Variants in ANKRD11 observed in about 807,000 individuals in gnomAD.
The protein encoded by ANKRD11 is ankyrin repeat domain-containing protein 11.
Under a neutral mutation model 195.7 loss-of-function variants are expected in ANKRD11, and 17 were observed. That is an observed-to-expected ratio of 0.09 (90% confidence interval 0.06 to 0.13). The LOEUF is 0.13. ANKRD11 is among the 10% of genes least tolerant of loss of function. ANKRD11 has a pLI of 1.00. For missense variants in ANKRD11, 3,735 were observed against 3,566.1 expected (o/e 1.05, Z -1.21); for synonymous variants, 1,953 against 1,528.1 (o/e 1.28, Z -6.49).
At chr16:89,458,459 C>T (rs1052332626) in intron 1 of ANKRD11, among the ~76,000 whole-genome samples, 12 of 152,146 alleles carry the variant, frequency 7.9e-5, no homozygotes, top group African/African-American at 2.9e-4. Context: ...CTCCTGACCT[C>T]GTGATCCGCC....
At position 89,282,111 on chromosome 16, in the gene ANKRD11, C is replaced by A. The variant is rs371721329; in HGVS notation, c.4431G>T (p.Arg1477=). The part of the protein sequence containing the change: ...EKWRDEKERH[R]DRHADGLLRH... ...GCAGCAGCCCATCCGCATGCCTGTCCCGGTGCCTCTCCTTCTCGTCTCTCC... is the reference window on the plus strand; with the variant it reads ...GCAGCAGCCCATCCGCATGCCTGTCACGGTGCCTCTCCTTCTCGTCTCTCC... The change falls in exon 9 of 13, where the codon CGG becomes CGT. Residue 1477 remains arginine, a synonymous_variant. Transcript: ENST00000301030. 5.0e-6 allele frequency: 8 copies of A among 1,613,994 alleles called. No individual in the cohort carries two copies. The African/African-American group carries it at 1.1e-4, about 22-fold the overall frequency.
At chr16:89,270,592 C>T in intron 12 of ANKRD11, 1 of 590,232 alleles carries the variant, frequency 1.7e-6, no homozygotes, top group Non-Finnish European at 3.1e-6. Flanking sequence ...GAGCCGCTCC[C>T]TGCACACCGG....
At chr16:89,465,531 CCTG>C (rs1439431227) in intron 1 of ANKRD11, among the ~76,000 whole-genome samples, 1 of 152,154 alleles carries the variant, frequency 6.6e-6, no homozygotes, top group African/African-American at 2.4e-5. Flanking sequence ...CCGCGGAAAG[CCTG>C]CTTTCAGCTG....
chr16:89,387,127 G>C (rs982954923), intron 2 of ANKRD11, among the ~76,000 whole-genome samples: 1 of 152,126 alleles, frequency 6.6e-6, no homozygotes, highest in African/African-American at 2.4e-5. Context: ...CAGCGAGGGT[G>C]GGAGAGGTAG....
At chr16:89,455,622 G>C (rs2056400035) in intron 1 of ANKRD11, among the ~76,000 whole-genome samples, 1 of 152,014 alleles carries the variant, frequency 6.6e-6, no homozygotes, top group South Asian at 2.1e-4. Context: ...AACGCCTAAT[G>C]AAAAAGCTGC....
chr16:89,341,360 T>C (rs1408989891), intron 2 of ANKRD11, among the ~76,000 whole-genome samples: 1 of 152,156 alleles, frequency 6.6e-6, no homozygotes, highest in East Asian at 1.9e-4. Context: ...ACAATTTAAG[T>C]TGTAACAGGG....
rs552505049 is a variant in ANKRD11 at position 89,291,849 on chromosome 16, G to T, written c.227-666C>A. On this transcript the variant is annotated intron_variant, in intron 4 of 12. Transcript: ENST00000301030. The surrounding 1 kb of genome is among the most constrained non-coding windows in gnomAD (Gnocchi z 5.3). ...CGGCTGTTTCCACCTCAGCCTCCTC[G>T]TAACAAGCACACCCTGCACTCATCT... The T allele has an allele frequency of 2.9e-5, 31 of 1,073,360 alleles. No homozygotes were observed. The highest frequency in any genetic ancestry group is 7.8e-5 in the South Asian group (6 of 76,686). 66.5% of individuals were successfully genotyped at this position (1,073,360 alleles called of 1,614,324 possible). A position where few individuals can be genotyped will look rare whatever the true frequency, so the allele number is the denominator to read the frequency against.
intron 2 of ANKRD11, chr16:89,324,387 G>T (rs775881089): frequency 5.1e-5 from 32 of 626,536 alleles, no homozygotes; most frequent in Non-Finnish European, 8.1e-5. Context: ...TGGGCGCAAA[G>T]TTCTCAGCTT....
intron 2 of ANKRD11, among the ~76,000 whole-genome samples, chr16:89,385,309 A>G (rs2040859917): frequency 6.6e-6 from 1 of 151,480 alleles, no homozygotes; most frequent in Admixed American, 6.6e-5. Flanking sequence ...GTGTATTTTT[A>G]GTAGAGACGC....
chr16:89,455,589 T>G (rs2056398557), intron 1 of ANKRD11, among the ~76,000 whole-genome samples: 1 of 151,890 alleles, frequency 6.6e-6, no homozygotes, highest in Admixed American at 6.6e-5. Context: ...TGGAGTCTAA[T>G]AAAAAACTTC....
intron 3 of ANKRD11, chr16:89,313,480 C>T: frequency 7.8e-7 from 1 of 1,289,214 alleles, no homozygotes; most frequent in Non-Finnish European, 1.0e-6. Flanking sequence ...GCCAAAGGGA[C>T]ACGCACAAGC....
intron 1 of ANKRD11, among the ~76,000 whole-genome samples, chr16:89,445,981 CA>C (rs61463291): frequency 0.07 from 4,170 of 59,264 alleles, 201 homozygotes; most frequent in African/African-American, 0.19. Flanking sequence ...AAAACAAAAA[CA>C]AAAAAAAAAA....
At chr16:89,463,059 G>GC (rs377250138) in intron 1 of ANKRD11, among the ~76,000 whole-genome samples, 46 of 145,630 alleles carry the variant, frequency 3.2e-4, no homozygotes, top group African/African-American at 1.0e-3. Context: ...GGGGGGGTCA[G>GC]CCCCCCCGCC....
chr16:89,280,744 G>A lies in ANKRD11; in HGVS notation c.5798C>T (p.Pro1933Leu), dbSNP rs371829075. The change falls in exon 9 of 13, where the codon CCG (proline) becomes CTG (leucine). Residue 1933 changes from proline (P) to leucine (L), a missense_variant. By Grantham distance (98) the Pro-to-Leu change is moderately conservative. Coordinates refer to ENST00000301030, the MANE Select transcript of ANKRD11 (RefSeq NM_013275.6). The part of the protein sequence containing the change: ...IIPPEPSYLE[P>L]LDEGPFSAVI... ...GGCGCTGAAGGGACCCTCGTCCAGC[G>A]GCTCCAGGTAGCTGGGCTCCGGGGG... The A allele has an allele frequency of 1.1e-5, 17 of 1,613,380 alleles. No homozygotes were observed. The highest frequency in any genetic ancestry group is 1.6e-4 in the Middle Eastern group (1 of 6,074).
chr16:89,415,357 C>T (rs1258773903), intron 2 of ANKRD11, among the ~76,000 whole-genome samples: 5 of 149,102 alleles, frequency 3.4e-5, no homozygotes, highest in Non-Finnish European at 7.4e-5. Context: ...CTCCGCCTCC[C>T]AGGTTCACGC....
intron 2 of ANKRD11, among the ~76,000 whole-genome samples, chr16:89,367,146 G>A (rs966363): frequency 2.0e-5 from 3 of 152,058 alleles, no homozygotes; most frequent in South Asian, 2.1e-4. Flanking sequence ...CGCACCCATC[G>A]GTGAGGAAGA....
chr16:89,477,636 T>C (rs1326248797), intron 1 of ANKRD11, among the ~76,000 whole-genome samples: 1 of 147,708 alleles, frequency 6.8e-6, no homozygotes, highest in African/African-American at 2.5e-5. Flanking sequence ...GGATTACAGG[T>C]GTGAGCCACT....
chr16:89,401,249 T>C (rs576727515), intron 2 of ANKRD11, among the ~76,000 whole-genome samples: 13 of 152,124 alleles, frequency 8.5e-5, no homozygotes, highest in Admixed American at 7.2e-4. Context: ...CGGCTAACAT[T>C]TGGATTTTTA....
At chr16:89,358,782 G>A (rs528095286) in intron 2 of ANKRD11, among the ~76,000 whole-genome samples, 1 of 151,912 alleles carries the variant, frequency 6.6e-6, no homozygotes, top group African/African-American at 2.4e-5. Context: ...CCCCTGTGCC[G>A]CTAAAACCCA....
Sources: allele counts gnomAD v4.1 joint callset (sites outside exome capture counted in the v4.1 genomes callset), GRCh38; gene constraint gnomAD v4.1.1; non-coding constraint Gnocchi (gnomAD v3.1); transcripts MANE v1.5; gene names NCBI Gene and HGNC (gene_info 2026-07-23, HGNC 2026-07-21).